SERP2: variants seen among roughly 807,000 people sequenced by gnomAD.
SERP2 encodes the protein stress associated endoplasmic reticulum protein family member 2.
SERP2 carries 6 observed loss-of-function variants against 9.1 expected under a neutral mutation model. The observed-to-expected ratio is 0.66, with a 90% CI of 0.36 to 1.30. SERP2 has a LOEUF of 1.30. Ranked by LOEUF, SERP2 falls within the 50% of genes most tolerant of loss-of-function variation. The pLI, the probability that SERP2 is intolerant of heterozygous loss-of-function variation, is 0.03. For missense variants in SERP2, 58 were observed against 81.9 expected (o/e 0.71, Z 1.13); for synonymous variants, 37 against 27.3 (o/e 1.35, Z -1.10).
intron 2 of SERP2, among the ~76,000 whole-genome samples, chr13:44,396,422 C>G (rs1873106339): frequency 1.3e-5 from 2 of 149,466 alleles, no homozygotes; most frequent in Admixed American, 1.3e-4. Flanking sequence ...GAGATGATAC[C>G]CACCCTCCTT....
rs562170371 is a variant in SERP2, at chr13:44,397,414, GA to G, written c.*109del. ...GGAAACAAGCAGGCCACACGGAATA[GA>G]AAAAAACGCTCCCCCACTTGTTCCC... is the stretch of plus-strand genomic sequence containing the variant. On this transcript the variant is annotated 3_prime_UTR_variant, in exon 3 of 3. Transcript: ENST00000379179. 2.2e-6 allele frequency: 2 copies of G among 891,014 alleles called. No homozygotes were observed. Among genetic ancestry groups the G allele is most frequent in the Admixed American group, 2.0e-5 (1 of 50,446 alleles). The allele number at this position is 891,014 out of a possible 1,614,324, so 55.2% of individuals were successfully genotyped here.
chr13:44,391,732 G>A lies in SERP2; in HGVS notation c.158-5540G>A, dbSNP rs377210163. ...ATCCCTTAACTCCAGGGTTTGGGGG[G>A]AAGGTGTCCAGCATTTGTGTTTTAA... is the stretch of plus-strand genomic sequence containing the variant. On this transcript the variant is annotated intron_variant, in intron 2 of 2. Transcript: ENST00000379179. 3.9e-4 allele frequency among the ~76,000 whole-genome samples: 60 copies of A among 152,272 alleles called. No individual in the cohort carries two copies. In the East Asian group the frequency reaches 0.011, roughly 29 times the overall value.
chr13:44,374,342 G>A (rs1007551180), intron 1 of SERP2, among the ~76,000 whole-genome samples: 3 of 152,174 alleles, frequency 2.0e-5, no homozygotes, highest in African/African-American at 7.2e-5. Flanking sequence ...CCCTCTGGGA[G>A]TGGCTACCTG....
At chr13:44,379,753 C>T (rs893445912) in intron 2 of SERP2, 40 bp downstream of exon 2, 1 of 1,410,566 alleles carries the variant, frequency 7.1e-7, no homozygotes, top group Non-Finnish European at 9.8e-7. Context: ...ATGTTCTCCA[C>T]TGGCCTTTGA....
At chr13:44,388,330 G>A (rs760496043) in intron 2 of SERP2, among the ~76,000 whole-genome samples, 1 of 64,374 alleles carries the variant, frequency 1.6e-5, no homozygotes, top group East Asian at 4.3e-4. Flanking sequence ...GTATGTGTTA[G>A]TGTGTTCATG....
chr13:44,396,833 C>T (rs968987017), intron 2 of SERP2, among the ~76,000 whole-genome samples: 3 of 152,234 alleles, frequency 2.0e-5, no homozygotes, highest in Admixed American at 6.5e-5. Flanking sequence ...GCTCCGAGCA[C>T]CTGGTCGGCC....
intron 2 of SERP2, chr13:44,396,124 C>A: frequency 5.3e-6 from 1 of 187,968 alleles, no homozygotes. Flanking sequence ...GGAAAAAAAG[C>A]CAAAAAATGC....
chr13:44,379,755 G>C (rs533110533), intron 2 of SERP2, 42 bp downstream of exon 2: 13 of 1,401,668 alleles, frequency 9.3e-6, no homozygotes, highest in African/African-American at 1.4e-5. Context: ...GTTCTCCACT[G>C]GCCTTTGAAA....
chr13:44,386,744 T>C (rs182245408), intron 2 of SERP2, among the ~76,000 whole-genome samples: 1 of 152,342 alleles, frequency 6.6e-6, no homozygotes, highest in East Asian at 1.9e-4. Flanking sequence ...CAATACCTGT[T>C]ATGGGTCTGC....
chr13:44,392,390 C>T (rs936810870), intron 2 of SERP2, among the ~76,000 whole-genome samples: 2 of 151,706 alleles, frequency 1.3e-5, no homozygotes, highest in Admixed American at 6.6e-5. Flanking sequence ...GCAGTAAACA[C>T]GGGAGTGACA....
chr13:44,383,550 T>TTC (rs1872135334), intron 2 of SERP2, among the ~76,000 whole-genome samples: 1 of 102,346 alleles, frequency 9.8e-6, no homozygotes, highest in Admixed American at 1.0e-4. Context: ...TTGCGTTTTT[T>TTC]TTGTTTTTTT....
chr13:44,395,804 T>G, intron 2 of SERP2: 1 of 457,194 alleles, frequency 2.2e-6, no homozygotes, highest in South Asian at 1.6e-5. Flanking sequence ...CAGCTTAGTC[T>G]ACGGCAACAA....
chr13:44,396,327 G>A (rs866262300), intron 2 of SERP2, among the ~76,000 whole-genome samples: 2 of 151,210 alleles, frequency 1.3e-5, no homozygotes, highest in Non-Finnish European at 2.9e-5. Context: ...GATCCTGGAT[G>A]TATTCCAGGA....
intron 1 of SERP2, 75 bp from the exon 2 acceptor site, chr13:44,379,566 C>A: frequency 8.9e-7 from 1 of 1,124,722 alleles, no homozygotes; most frequent in Non-Finnish European, 1.3e-6. Context: ...GCACCTAGCA[C>A]AATGCCTAGT....
At chr13:44,374,507 G>A (rs867429435) in intron 1 of SERP2, among the ~76,000 whole-genome samples, 5 of 152,288 alleles carry the variant, frequency 3.3e-5, no homozygotes, top group Middle Eastern at 3.4e-3. Context: ...CTGGAACCTA[G>A]TATGTTCTAG....
rs76496702 is a variant in SERP2 at position 44,396,154 on chromosome 13, T to G, written c.158-1118T>G. On this transcript the variant is annotated intron_variant, in intron 2 of 2. Coordinates refer to ENST00000379179, the MANE Select transcript of SERP2 (RefSeq NM_001010897.3). ...AAATGCATTCATGTTTGTCTACTCT[T>G]AAAACCCAGCTGTCCAAGAACGATT... 76 of 188,648 alleles carry G rather than the reference T, an allele frequency of 4.0e-4. 1 individual carries two copies. Among genetic ancestry groups the G allele is most frequent in the African/African-American group, 1.7e-3 (73 of 42,686 alleles). The allele number at this position is 188,648 out of a possible 1,614,324, so 11.7% of individuals were successfully genotyped here.
intron 2 of SERP2, among the ~76,000 whole-genome samples, chr13:44,394,210 T>C (rs564148817): frequency 6.6e-6 from 1 of 152,298 alleles, no homozygotes; most frequent in South Asian, 2.1e-4. Flanking sequence ...CAATCTCGGC[T>C]CACTGCAACC....
chr13:44,395,369 C>G (rs1017835899), intron 2 of SERP2, among the ~76,000 whole-genome samples: 16 of 151,636 alleles, frequency 1.1e-4, no homozygotes, highest in Non-Finnish European at 8.8e-5. Flanking sequence ...CTTTGGGAGG[C>G]TGAGGTGGGT....
chr13:44,386,438 C>T (rs567805890), intron 2 of SERP2, among the ~76,000 whole-genome samples: 17 of 152,318 alleles, frequency 1.1e-4, no homozygotes, highest in African/African-American at 4.1e-4. Flanking sequence ...GGCTGGAGTG[C>T]ATTGGCACCA....
Sources: gnomAD v4.1 joint callset for allele counts (sites outside exome capture counted in the v4.1 genomes callset) on GRCh38, gnomAD v4.1.1 for gene constraint, MANE v1.5 for transcripts, NCBI Gene and HGNC (gene_info 2026-07-23, HGNC 2026-07-21) for gene names.